SLC14A2: variants seen among roughly 807,000 people sequenced by gnomAD.
SLC14A2 encodes the protein solute carrier family 14 member 2, also known as urea transporter 2.
In SLC14A2, 91 loss-of-function variants were observed where a neutral mutation model predicts 104.6. That is an observed-to-expected ratio of 0.87 (90% CI 0.73 to 1.04). The LOEUF (loss-of-function observed/expected upper bound fraction) is 1.04. SLC14A2 is among the 50% of genes least tolerant of loss of function. The pLI, the probability that SLC14A2 is intolerant of heterozygous loss-of-function variation, is 0.00. For synonymous variants in SLC14A2, 476 were observed against 466.4 expected, an observed-to-expected ratio of 1.02 and a Z score of -0.27; for missense variants, 1,189 against 1,156.0, an observed-to-expected ratio of 1.03 and a Z score of -0.41.
chr18:45,427,409 G>T (rs2086449826), intron 1 of SLC14A2, among the ~76,000 whole-genome samples: 1 of 152,116 alleles, frequency 6.6e-6, no homozygotes, highest in African/African-American at 2.4e-5. Context: ...CCAAGCAATG[G>T]GTTCATTTGG....
At chr18:45,679,065 C>G (rs769910199) in intron 19 of SLC14A2, 41 bp downstream of exon 19, 1 of 1,594,260 alleles carries the variant, frequency 6.3e-7, no homozygotes, top group Non-Finnish European at 8.6e-7. Flanking sequence ...CAACATCCTT[C>G]CTGGTGTCCT....
chr18:45,544,769 A>G (rs2144866256), intron 2 of SLC14A2, among the ~76,000 whole-genome samples: 1 of 147,762 alleles, frequency 6.8e-6, no homozygotes, highest in East Asian at 2.0e-4. Context: ...GATTATATAT[A>G]TATTTATCAA....
At chr18:45,556,552 C>T (rs1045783612) in intron 2 of SLC14A2, among the ~76,000 whole-genome samples, 1 of 152,180 alleles carries the variant, frequency 6.6e-6, no homozygotes, top group African/African-American at 2.4e-5. Flanking sequence ...GCTAATTGAG[C>T]ATGAGCAATT....
At chr18:45,672,087 A>AC (rs1209498227) in intron 16 of SLC14A2, among the ~76,000 whole-genome samples, 2 of 152,142 alleles carry the variant, frequency 1.3e-5, no homozygotes, top group African/African-American at 2.4e-5. Flanking sequence ...GGGCGATACT[A>AC]CCTTCTCCTG....
intron 1 of SLC14A2, among the ~76,000 whole-genome samples, chr18:45,439,559 C>A (rs2086650634): frequency 6.6e-6 from 1 of 152,126 alleles, no homozygotes; most frequent in African/African-American, 2.4e-5. Flanking sequence ...CACAACCAAC[C>A]TGTTTCTTGC....
intron 10 of SLC14A2, 88 bp from the exon 11 acceptor site, chr18:45,663,697 T>A: frequency 6.9e-7 from 1 of 1,449,662 alleles, no homozygotes; most frequent in Non-Finnish European, 9.4e-7. Context: ...CTTTCCAGCA[T>A]CTGTGTGATT....
At chr18:45,522,041 C>G (rs1251517230) in intron 2 of SLC14A2, among the ~76,000 whole-genome samples, 1 of 152,212 alleles carries the variant, frequency 6.6e-6, no homozygotes, top group Non-Finnish European at 1.5e-5. Context: ...CCTGCCTGGA[C>G]TATTTGCCCC....
intron 1 of SLC14A2, among the ~76,000 whole-genome samples, chr18:45,475,504 A>G (rs1376736803): frequency 6.6e-6 from 1 of 150,906 alleles, no homozygotes; most frequent in Non-Finnish European, 1.5e-5. Context: ...GTCTCTTTGT[A>G]TGTCTCTAAG....
chr18:45,460,989 C>T (rs77042104), intron 1 of SLC14A2, among the ~76,000 whole-genome samples: 1 of 152,160 alleles, frequency 6.6e-6, no homozygotes. Context: ...AGTCCAGGCA[C>T]CTGACCCAAC....
At chr18:45,350,411 C>T (rs1209276330) in intron 1 of SLC14A2, among the ~76,000 whole-genome samples, 1 of 152,170 alleles carries the variant, frequency 6.6e-6, no homozygotes, top group African/African-American at 2.4e-5. Flanking sequence ...ACAGCACGTT[C>T]ATCACAGTGA....
chr18:45,490,585 A>G (rs2042979599), intron 2 of SLC14A2, among the ~76,000 whole-genome samples: 1 of 152,242 alleles, frequency 6.6e-6, no homozygotes, highest in African/African-American at 2.4e-5. Flanking sequence ...GTAATGAAAA[A>G]GATCAATAAA....
At chr18:45,277,169 T>G (rs1462288621) in intron 1 of SLC14A2, among the ~76,000 whole-genome samples, 1 of 152,218 alleles carries the variant, frequency 6.6e-6, no homozygotes, top group Admixed American at 6.5e-5. Context: ...AACCTACATA[T>G]AGCATCTTAT....
intron 1 of SLC14A2, among the ~76,000 whole-genome samples, chr18:45,382,961 T>A (rs1459345360): frequency 6.6e-6 from 1 of 152,216 alleles, no homozygotes; most frequent in Non-Finnish European, 1.5e-5. Context: ...ATTGGTTGTC[T>A]CCAATGCAGT....
chr18:45,255,221 G>T (rs902436885), intron 1 of SLC14A2, among the ~76,000 whole-genome samples: 2 of 151,952 alleles, frequency 1.3e-5, no homozygotes, highest in African/African-American at 4.8e-5. Context: ...TCTCCCAGGG[G>T]CTTGCTGTAG....
intron 10 of SLC14A2, among the ~76,000 whole-genome samples, chr18:45,651,563 T>C (rs181353546): frequency 6.6e-6 from 1 of 152,290 alleles, no homozygotes; most frequent in African/African-American, 2.4e-5. Flanking sequence ...TGAGAGATAA[T>C]GTCCTATAAG....
Position 45,569,073 on chromosome 18 carries a change from C to T in SLC14A2, c.-34-55558C>T, listed in dbSNP as rs553922204. On this transcript the variant is annotated intron_variant, in intron 2 of 20. Coordinates refer to the SLC14A2 transcript ENST00000586448. Reference sequence around the variant, plus strand: ...CCATTTCTCCCTAAAGATTAGGTACCGATTCTAGCCTAAGTTGCACTTCCA... The same window carrying T: ...CCATTTCTCCCTAAAGATTAGGTACTGATTCTAGCCTAAGTTGCACTTCCA... Among the ~76,000 whole-genome samples the T allele has an allele frequency of 8.5e-5, 13 of 152,252 alleles. No individual in the cohort carries two copies. In the East Asian group the frequency reaches 1.4e-3, roughly 16 times the overall value.
intron 1 of SLC14A2, among the ~76,000 whole-genome samples, chr18:45,481,429 C>A (rs538872024): frequency 7.9e-4 from 121 of 152,228 alleles, no homozygotes; most frequent in African/African-American, 2.8e-3. Flanking sequence ...TATGGATTTT[C>A]TTCCTCATTT....
At chr18:45,577,830 C>T (rs772634744) in intron 2 of SLC14A2, among the ~76,000 whole-genome samples, 10 of 152,288 alleles carry the variant, frequency 6.6e-5, no homozygotes, top group Admixed American at 2.0e-4. Context: ...CTCTGCCCTA[C>T]AGGAATTTGC....
At chr18:45,454,824 C>T (rs139771893) in intron 1 of SLC14A2, among the ~76,000 whole-genome samples, 21 of 152,090 alleles carry the variant, frequency 1.4e-4, no homozygotes, top group African/African-American at 4.3e-4. Context: ...AGATGTGTGG[C>T]GTTATTTCTG....
Sources: gnomAD v4.1 joint callset for allele counts (sites outside exome capture counted in the v4.1 genomes callset) on GRCh38, gnomAD v4.1.1 for gene constraint, MANE v1.5 for transcripts, NCBI Gene and HGNC (gene_info 2026-07-23, HGNC 2026-07-21) for gene names.